ABCG8: variants seen among roughly 807,000 people sequenced by gnomAD.
ABCG8 encodes the protein ATP binding cassette subfamily G member 8, also known as ATP-binding cassette sub-family G member 8.
In ABCG8, 81 loss-of-function variants were observed where a neutral mutation model predicts 71.3. The ratio of observed to expected loss-of-function variants is 1.14; its 90% confidence interval spans 0.95 to 1.37. The LOEUF is 1.37. ABCG8 is among the 40% of genes most tolerant of loss of function. The pLI, the probability that ABCG8 is intolerant of heterozygous loss-of-function variation, is 0.00. For missense variants in ABCG8, 1,119 were observed against 866.2 expected, an observed-to-expected ratio of 1.29 and a Z score of -3.66; for synonymous variants, 451 against 354.7, an observed-to-expected ratio of 1.27 and a Z score of -3.05.
chr2:43,852,680 C>T lies in ABCG8; in HGVS notation c.776C>T (p.Ala259Val), dbSNP rs35518570. 11 of 1,614,050 alleles carry T rather than the reference C, an allele frequency of 6.8e-6. No individual in the cohort carries two copies. Among genetic ancestry groups the T allele is most frequent in the South Asian group, 6.6e-5 (6 of 91,090 alleles). The change falls in exon 6 of 13, where the codon GCC becomes GTC. Residue 259 changes from alanine to valine, a missense_variant. Transcript: ENST00000272286. ...CTGGTGAAGACCTTGTCCAGGCTGG[C>T]CAAAGGCAACCGGCTGGTGCTCATC... ...HNLVKTLSRL[A>V]KGNRLVLISL...
intron 6 of ABCG8, among the ~76,000 whole-genome samples, chr2:43,863,099 C>G (rs749731923): frequency 2.7e-5 from 4 of 146,738 alleles, no homozygotes; most frequent in Non-Finnish European, 4.6e-5. Flanking sequence ...GGATAGAACT[C>G]TCACTATCTA....
chr2:43,851,343 A>G (rs1286355002), intron 3 of ABCG8, among the ~76,000 whole-genome samples: 2 of 152,216 alleles, frequency 1.3e-5, no homozygotes, highest in Non-Finnish European at 2.9e-5. Flanking sequence ...CTGAACCCCC[A>G]GCGCCATCAT....
At position 43,874,448 on chromosome 2, in the gene ABCG8, G is replaced by A. The variant is rs777641236; in HGVS notation, c.1453G>A (p.Gly485Arg). The A allele has an allele frequency of 2.9e-5, 47 of 1,613,746 alleles. No homozygotes were observed. Among genetic ancestry groups the A allele is most frequent in the African/African-American group, 5.3e-5 (4 of 74,858 alleles). The stretch of plus-strand genomic sequence containing the variant: ...AATGCTTTACTATGAACTGGAAGAC[G>A]GGCTGTACACCACTGGTCCATATTT... ...RAMLYYELED[G>R]LYTTGPYFFA... The change falls in exon 10 of 13, where the codon GGG becomes AGG. Residue 485 changes from glycine (G) to arginine (R), a missense_variant. Physicochemically the swap from Gly to Arg is moderately radical, Grantham distance 125. Coordinates refer to ENST00000272286, the MANE Select transcript of ABCG8 (RefSeq NM_022437.3).
chr2:43,874,513 C>CCCCA (rs750109200), intron 10 of ABCG8, 30 bp downstream of exon 10: 22 of 1,563,900 alleles, frequency 1.4e-5, no homozygotes, highest in Middle Eastern at 1.7e-4. Context: ...AGCAAGTGCC[C>CCCCA]CCCACCCACC....
At chr2:43,848,158 A>C (rs1445030191) in intron 3 of ABCG8, 2 of 152,200 alleles carry the variant, frequency 1.3e-5, no homozygotes, top group African/African-American at 4.8e-5. Context: ...AACAACAAAC[A>C]ACTTTAGACA....
chr2:43,850,656 C>A (rs1477947799), intron 3 of ABCG8, among the ~76,000 whole-genome samples: 2 of 152,092 alleles, frequency 1.3e-5, no homozygotes, highest in East Asian at 1.9e-4. Context: ...ATTAAAAATA[C>A]CACTGATGCA....
intron 1 of ABCG8, 103 bp downstream of exon 1, chr2:43,839,219 C>A: frequency 7.9e-7 from 1 of 1,271,316 alleles, no homozygotes; most frequent in Non-Finnish European, 1.1e-6. Flanking sequence ...ACCACCCGGA[C>A]ATCAAGCAGT....
At chr2:43,856,708 T>TCTATCTGGATGGAATTCTCACC (rs1669120726) in intron 6 of ABCG8, among the ~76,000 whole-genome samples, 1 of 152,154 alleles carries the variant, frequency 6.6e-6, no homozygotes, top group East Asian at 1.9e-4. Context: ...GAACTCTCAC[T>TCTATCTGGATGGAATTCTCACC]ATCTATCTGG....
intron 9 of ABCG8, 109 bp downstream of exon 9, chr2:43,874,095 A>T: frequency 8.5e-7 from 1 of 1,181,132 alleles, no homozygotes; most frequent in Non-Finnish European, 1.3e-6. Context: ...GTGATATATA[A>T]GACAATAATG....
chr2:43,866,929 A>C (rs1398455107), intron 6 of ABCG8, among the ~76,000 whole-genome samples: 1 of 151,054 alleles, frequency 6.6e-6, no homozygotes, highest in African/African-American at 2.4e-5. Flanking sequence ...CACAATAGCA[A>C]AGACTTGGAA....
rs1442494843 is a variant in ABCG8, at chr2:43,875,343, C to T, written c.1686C>T (p.Phe562=). 2.5e-6 allele frequency: 4 copies of T among 1,614,054 alleles called. No homozygotes were observed. The highest frequency in any genetic ancestry group is 3.4e-6 in the Non-Finnish European group (4 of 1,180,052). The change falls in exon 11 of 13, where the codon TTC becomes TTT. Residue 562 remains phenylalanine (F), a synonymous_variant. Coordinates refer to ENST00000272286, the MANE Select transcript of ABCG8 (RefSeq NM_022437.3). ...CCACCTTCCACATGGCCTCCTTCTT[C>T]AGCAATGCCCTCTACAACTCCTTCT... ...LLPTFHMASF[F]SNALYNSFYL... is the part of the protein sequence containing the mutation.
chr2:43,862,489 T>C (rs958077222), intron 6 of ABCG8, among the ~76,000 whole-genome samples: 2 of 151,242 alleles, frequency 1.3e-5, no homozygotes, highest in African/African-American at 4.8e-5. Flanking sequence ...TCTCGCTATC[T>C]GTCTGGATAG....
chr2:43,846,034 T>C, intron 2 of ABCG8, 121 bp from the exon 3 acceptor site: 2 of 1,022,560 alleles, frequency 2.0e-6, no homozygotes, highest in East Asian at 2.4e-5. Context: ...CTATTGTGTG[T>C]AGGTGAGGAC....
At chr2:43,866,600 C>T (rs1184742440) in intron 6 of ABCG8, among the ~76,000 whole-genome samples, 2 of 152,144 alleles carry the variant, frequency 1.3e-5, no homozygotes, top group Non-Finnish European at 2.9e-5. Flanking sequence ...AAAAAATGCT[C>T]ACCACCACTG....
At chr2:43,843,156 T>C (rs528355602) in intron 1 of ABCG8, among the ~76,000 whole-genome samples, 2 of 152,340 alleles carry the variant, frequency 1.3e-5, no homozygotes, top group African/African-American at 4.8e-5. Flanking sequence ...TCTCGCTCCA[T>C]CGTAATCACC....
intron 3 of ABCG8, among the ~76,000 whole-genome samples, chr2:43,850,628 C>CT (rs781122648): frequency 4.6e-5 from 7 of 152,082 alleles, no homozygotes; most frequent in Non-Finnish European, 7.4e-5. Context: ...TTAGGTGAAT[C>CT]CTTTTTTAAA....
At chr2:43,859,393 C>G (rs1669224954) in intron 6 of ABCG8, among the ~76,000 whole-genome samples, 1 of 151,436 alleles carries the variant, frequency 6.6e-6, no homozygotes, top group Non-Finnish European at 1.5e-5. Flanking sequence ...GGATAGCGCT[C>G]TTACTATCTG....
intron 1 of ABCG8, 22 bp downstream of exon 1, chr2:43,839,138 G>A (rs988839323): frequency 1.1e-5 from 17 of 1,550,836 alleles, no homozygotes; most frequent in Admixed American, 5.9e-5. Flanking sequence ...ATGGGAAGTC[G>A]GCCCAGGCCT....
intron 6 of ABCG8, among the ~76,000 whole-genome samples, chr2:43,866,109 TA>T (rs1415485255): frequency 1.3e-5 from 2 of 152,040 alleles, no homozygotes; most frequent in Non-Finnish European, 2.9e-5. Flanking sequence ...ATTCCCTATT[TA>T]ATAAATGGTG....
Sources: allele counts gnomAD v4.1 joint callset (sites outside exome capture counted in the v4.1 genomes callset), GRCh38; gene constraint gnomAD v4.1.1; transcripts MANE v1.5; gene names NCBI Gene and HGNC (gene_info 2026-07-23, HGNC 2026-07-21).